WWOX: variants seen among roughly 807,000 people sequenced by gnomAD.
The protein encoded by WWOX is WW domain containing oxidoreductase.
In WWOX, 69 loss-of-function variants were observed where a neutral mutation model predicts 46.2. That is an observed-to-expected ratio of 1.49 (90% CI 1.23 to 1.82). The LOEUF (loss-of-function observed/expected upper bound fraction) is 1.82. Among genes scored for constraint, WWOX ranks in the 40% most tolerant of loss-of-function variants. The pLI is 0.00. For missense variants in WWOX, 919 were observed against 542.6 expected, an observed-to-expected ratio of 1.69 and a Z score of -6.89; for synonymous variants, 359 against 202.6, an observed-to-expected ratio of 1.77 and a Z score of -6.56.
At chr16:78,924,360 T>C (rs773732774) in intron 8 of WWOX, among the ~76,000 whole-genome samples, 1 of 152,198 alleles carries the variant, frequency 6.6e-6, no homozygotes, top group Non-Finnish European at 1.5e-5. Context: ...CTTGCTGCCA[T>C]CATATCATCA....
At chr16:78,398,304 C>G (rs977367463) in intron 6 of WWOX, among the ~76,000 whole-genome samples, 26 of 152,304 alleles carry the variant, frequency 1.7e-4, no homozygotes, top group African/African-American at 6.0e-4. Context: ...TTCCCCAACC[C>G]AGGCTTCTCT....
chr16:78,879,484 G>A (rs1053708795), intron 8 of WWOX, among the ~76,000 whole-genome samples: 1 of 151,638 alleles, frequency 6.6e-6, no homozygotes, highest in African/African-American at 2.4e-5. Context: ...ATACCACCCT[G>A]GTCTTCAAGT....
chr16:79,000,883 G>T (rs1158920946), intron 8 of WWOX, among the ~76,000 whole-genome samples: 1 of 152,110 alleles, frequency 6.6e-6, no homozygotes, highest in Non-Finnish European at 1.5e-5. Flanking sequence ...GGTTTGTCAT[G>T]TTGCACTTAT....
intron 8 of WWOX, among the ~76,000 whole-genome samples, chr16:78,824,552 G>A (rs546871668): frequency 1.3e-5 from 2 of 152,248 alleles, no homozygotes; most frequent in South Asian, 4.2e-4. Flanking sequence ...GGAAGAAAAA[G>A]AGGTTTAATT....
At chr16:78,239,907 C>T (rs1482209100) in intron 5 of WWOX, among the ~76,000 whole-genome samples, 2 of 152,102 alleles carry the variant, frequency 1.3e-5, no homozygotes, top group African/African-American at 4.8e-5. Context: ...AGGCACCTGT[C>T]TTTATACATT....
rs2084335147 is a variant in WWOX, at chr16:78,475,737, A to T, written c.1056+42985A>T. ...CAGCCTCCCCAGTAGCTGGGATTAC[A>T]GGCATGTGCCACCACACCGGCTAAT... On this transcript the variant is annotated intron_variant, in intron 8 of 8. Transcript: ENST00000566780. Among the ~76,000 whole-genome samples the T allele has an allele frequency of 2.0e-5, 3 of 152,170 alleles. No homozygotes were observed. In the South Asian group the frequency reaches 6.2e-4, roughly 32 times the overall value.
intron 8 of WWOX, among the ~76,000 whole-genome samples, chr16:78,865,172 G>A (rs1352132530): frequency 2.0e-5 from 3 of 152,192 alleles, no homozygotes; most frequent in South Asian, 4.1e-4. Flanking sequence ...AGTGCTAAAG[G>A]TTGTATGTTT....
intron 8 of WWOX, among the ~76,000 whole-genome samples, chr16:78,533,228 G>A (rs1052164546): frequency 7.2e-5 from 11 of 152,086 alleles, no homozygotes; most frequent in Admixed American, 6.6e-4. Flanking sequence ...GACAGGAGGT[G>A]ACTAGATTTG....
intron 5 of WWOX, among the ~76,000 whole-genome samples, chr16:78,255,008 A>C (rs940227724): frequency 6.6e-6 from 1 of 152,178 alleles, no homozygotes; most frequent in African/African-American, 2.4e-5. Flanking sequence ...ACTTTGCAAG[A>C]GCAGTTCAGG....
intron 8 of WWOX, among the ~76,000 whole-genome samples, chr16:78,919,275 A>G (rs1009234658): frequency 2.0e-5 from 3 of 151,942 alleles, no homozygotes; most frequent in African/African-American, 7.3e-5. Flanking sequence ...GCCCACTTTT[A>G]TAGATGGCTA....
chr16:78,130,454 A>T (rs13334300), intron 4 of WWOX, among the ~76,000 whole-genome samples: 7 of 151,996 alleles, frequency 4.6e-5, no homozygotes, highest in African/African-American at 7.3e-5. Context: ...GTGTTAAAGA[A>T]ATGTCTGCTA....
chr16:78,295,233 C>T (rs575233466), intron 5 of WWOX, among the ~76,000 whole-genome samples: 25 of 152,160 alleles, frequency 1.6e-4, no homozygotes, highest in African/African-American at 5.3e-4. Flanking sequence ...GAGAGAGTGG[C>T]GAGGATTAAT....
intron 8 of WWOX, among the ~76,000 whole-genome samples, chr16:79,034,442 C>G (rs576437723): frequency 6.6e-6 from 1 of 152,334 alleles, no homozygotes; most frequent in African/African-American, 2.4e-5. Context: ...GCCTTGTACT[C>G]TGGCCCTCAA....
At chr16:78,801,740 T>C (rs979809330) in intron 8 of WWOX, among the ~76,000 whole-genome samples, 1 of 152,176 alleles carries the variant, frequency 6.6e-6, no homozygotes, top group African/African-American at 2.4e-5. Flanking sequence ...ATTGTCCCTC[T>C]CCTTAGTGTA....
chr16:78,639,561 C>T (rs1426490062), intron 8 of WWOX, among the ~76,000 whole-genome samples: 1 of 134,470 alleles, frequency 7.4e-6, no homozygotes, highest in African/African-American at 2.8e-5. Context: ...TCCAGGGGCA[C>T]AGATTGGATT....
intron 8 of WWOX, among the ~76,000 whole-genome samples, chr16:78,498,786 G>A (rs368195082): frequency 6.6e-6 from 1 of 152,106 alleles, no homozygotes; most frequent in Non-Finnish European, 1.5e-5. Context: ...CTATAATCTC[G>A]AACTCCTGGT....
In WWOX at chr16:79,211,898, C is replaced by T. The variant is rs779206890; in HGVS notation, c.*102C>T. 66 of 1,561,616 alleles carry T rather than the reference C, an allele frequency of 4.2e-5. No individual in the cohort carries two copies. The highest frequency in any genetic ancestry group is 1.3e-4 in the Admixed American group (7 of 52,362). On this transcript the variant is annotated 3_prime_UTR_variant, in exon 9 of 9. Transcript: ENST00000566780. ...TCCAAATGTCCCTCCAACACAGATC[C>T]GCAAGAGTAAAGGAAATAAGAGCAG...
At chr16:78,994,030 C>T (rs2046940303) in intron 8 of WWOX, among the ~76,000 whole-genome samples, 6 of 152,196 alleles carry the variant, frequency 3.9e-5, no homozygotes, top group Admixed American at 3.9e-4. Context: ...GGACCCCTGT[C>T]CTAAATGTTC....
chr16:78,195,324 T>C (rs2036014346), intron 5 of WWOX, among the ~76,000 whole-genome samples: 1 of 152,120 alleles, frequency 6.6e-6, no homozygotes, highest in Non-Finnish European at 1.5e-5. Flanking sequence ...CCTAAGACCA[T>C]GAACTTCTTG....
Sources: gnomAD v4.1 joint callset for allele counts (sites outside exome capture counted in the v4.1 genomes callset) on GRCh38, gnomAD v4.1.1 for gene constraint, MANE v1.5 for transcripts, NCBI Gene and HGNC (gene_info 2026-07-23, HGNC 2026-07-21) for gene names.